TCF20: variants seen among roughly 807,000 people sequenced by gnomAD.
The protein encoded by TCF20 is SPRE-binding protein.
Under a neutral mutation model 148.6 loss-of-function variants are expected in TCF20, and 3 were observed. The ratio of observed to expected loss-of-function variants is 0.02; its 90% CI spans 0.01 to 0.05. The LOEUF (loss-of-function observed/expected upper bound fraction) is 0.05. Among genes scored for constraint, TCF20 ranks in the 10% least tolerant of loss-of-function variants. The probability of loss-of-function intolerance (pLI) is 1.00; values close to 1 mark genes in which losing one functional copy is unlikely to be tolerated. For synonymous variants in TCF20, 1,049 were observed against 909.5 expected (o/e 1.15, Z -2.76); for missense variants, 2,350 against 2,429.3 (o/e 0.97, Z 0.69).
At chr22:42,244,867 T>G (rs1204226366) in intron 1 of TCF20, among the ~76,000 whole-genome samples, 1 of 151,796 alleles carries the variant, frequency 6.6e-6, no homozygotes, top group African/African-American at 2.4e-5. Flanking sequence ...ATCACTTGAG[T>G]TCAGGAGTTC....
intron 1 of TCF20, among the ~76,000 whole-genome samples, chr22:42,244,805 C>T (rs150869955): frequency 3.2e-4 from 49 of 152,156 alleles, no homozygotes; most frequent in Non-Finnish European, 5.4e-4. Flanking sequence ...TCTGGCTGGG[C>T]GCAGTGGCTC....
chr22:42,191,346 G>T (rs1937324190), intron 2 of TCF20, among the ~76,000 whole-genome samples: 1 of 152,140 alleles, frequency 6.6e-6, no homozygotes, highest in African/African-American at 2.4e-5. Flanking sequence ...CTGGAGTACA[G>T]TGACGAGATC....
intron 2 of TCF20, among the ~76,000 whole-genome samples, chr22:42,196,083 C>A (rs1387143880): frequency 6.6e-6 from 1 of 152,200 alleles, no homozygotes; most frequent in Non-Finnish European, 1.5e-5. Flanking sequence ...GGCATAGGCT[C>A]TGAATACTGT....
intron 1 of TCF20, among the ~76,000 whole-genome samples, chr22:42,311,577 G>T (rs935285815): frequency 4.6e-5 from 7 of 152,178 alleles, no homozygotes; most frequent in Non-Finnish European, 4.4e-5. Context: ...CCATGTTGTG[G>T]ACAGGAGCAA....
At chr22:42,225,965 A>T (rs1266013726) in intron 1 of TCF20, among the ~76,000 whole-genome samples, 6 of 152,252 alleles carry the variant, frequency 3.9e-5, no homozygotes, top group African/African-American at 1.4e-4. Flanking sequence ...GCATAATTTC[A>T]AACAGCCAAG....
At chr22:42,234,031 A>G (rs1310780491) in intron 1 of TCF20, among the ~76,000 whole-genome samples, 4 of 152,248 alleles carry the variant, frequency 2.6e-5, no homozygotes, top group Non-Finnish European at 5.9e-5. Context: ...AACAAAATGT[A>G]AAAACATGAA....
At position 42,179,687 on chromosome 22, in the gene TCF20, G is replaced by T; in HGVS notation, c.5671C>A (p.Gln1891Lys). ...IAREMKCSHC[Q>K]EAGATLGCYN... ...CAGCCCAAGGTGGCGCCTGCCTCCTGGCAGTGGGAACATTTCTGAAAGGAA... is the reference window on the plus strand; with the variant it reads ...CAGCCCAAGGTGGCGCCTGCCTCCTTGCAGTGGGAACATTTCTGAAAGGAA... Residue 1891 changes from glutamine to lysine, a missense_variant, in exon 3 of 6, where the codon CAG becomes AAG. Physicochemically the swap from Gln to Lys is moderately conservative, Grantham distance 53 (BLOSUM62 1). Transcript: ENST00000677622. 1 of 1,613,620 alleles carries T rather than the reference G, an allele frequency of 6.2e-7. No individual in the cohort carries two copies.
At chr22:42,208,707 CAG>C (rs1938558592) in intron 2 of TCF20, among the ~76,000 whole-genome samples, 1 of 152,024 alleles carries the variant, frequency 6.6e-6, no homozygotes, top group South Asian at 2.1e-4. Context: ...AAACATAAAA[CAG>C]AGGAGAAAAG....
intron 1 of TCF20, among the ~76,000 whole-genome samples, chr22:42,248,541 C>T (rs1925106062): frequency 6.6e-6 from 1 of 152,134 alleles, no homozygotes; most frequent in Non-Finnish European, 1.5e-5. Flanking sequence ...ATTAAATATA[C>T]ATAGAAATTA....
At chr22:42,336,010 T>C (rs1928061221) in intron 1 of TCF20, among the ~76,000 whole-genome samples, 1 of 152,226 alleles carries the variant, frequency 6.6e-6, no homozygotes, top group African/African-American at 2.4e-5. Flanking sequence ...GGAGCCAACC[T>C]GCCACCATGC....
At chr22:42,231,524 C>A (rs1017677197) in intron 1 of TCF20, among the ~76,000 whole-genome samples, 7 of 152,044 alleles carry the variant, frequency 4.6e-5, no homozygotes, top group Non-Finnish European at 7.4e-5. Context: ...TAGAATAACA[C>A]AATGACAGAA....
rs1053037927 is a variant in TCF20 at position 42,214,236 on chromosome 22, G to A, written c.1070C>T (p.Pro357Leu). 6.2e-7 allele frequency: 1 copy of A among 1,614,202 alleles called. No individual in the cohort carries two copies. Among genetic ancestry groups the A allele is most frequent in the Non-Finnish European group, 8.5e-7 (1 of 1,180,030 alleles). The change falls in exon 2 of 6, where the codon CCC becomes CTC. Residue 357 changes from proline (P) to leucine (L), a missense_variant. Physicochemically the swap from Pro to Leu is moderately conservative, Grantham distance 98. This residue lies in a region of TCF20 where 1,641 missense variants were observed against 1,662.6 expected (regional missense o/e 0.99). Coordinates refer to ENST00000677622, the MANE Select transcript of TCF20 (RefSeq NM_001378418.1). Reference sequence around the variant, plus strand: ...GCTGAAGTTCTGGTGAAACTGCATGGGGGACCTCACAGGAACCTCAGGCTG... The same window carrying A: ...GCTGAAGTTCTGGTGAAACTGCATGAGGGACCTCACAGGAACCTCAGGCTG... ...YNQPEVPVRS[P>L]MQFHQNFSPI...
At chr22:42,163,890 T>A (rs1935614952) in intron 5 of TCF20, among the ~76,000 whole-genome samples, 1 of 152,180 alleles carries the variant, frequency 6.6e-6, no homozygotes, top group African/African-American at 2.4e-5. Context: ...ACTTGTTCCC[T>A]CCCTTCCCTT....
chr22:42,311,247 G>C (rs140588919), intron 1 of TCF20, among the ~76,000 whole-genome samples: 99 of 152,372 alleles, frequency 6.5e-4, no homozygotes, highest in African/African-American at 2.3e-3. Context: ...TGCAGTCAGG[G>C]AGGCAGAAGG....
intron 1 of TCF20, among the ~76,000 whole-genome samples, chr22:42,259,454 A>C (rs769444544): frequency 1.3e-5 from 2 of 152,196 alleles, no homozygotes; most frequent in Non-Finnish European, 2.9e-5. Flanking sequence ...TATGATATAC[A>C]TGCAACCTCC....
At chr22:42,270,264 G>GC (rs1926531845) in intron 1 of TCF20, among the ~76,000 whole-genome samples, 75 bp downstream of exon 1, 1 of 151,250 alleles carries the variant, frequency 6.6e-6, no homozygotes, top group South Asian at 2.1e-4. Flanking sequence ...AGCCCCCGAG[G>GC]CCGGACACCC....
chr22:42,164,882 G>C (rs1935686051), intron 5 of TCF20, among the ~76,000 whole-genome samples: 1 of 152,212 alleles, frequency 6.6e-6, no homozygotes. Flanking sequence ...GAGGAAGGAA[G>C]CCTGGTCCCT....
At chr22:42,165,743 G>A (rs1935744086) in intron 5 of TCF20, among the ~76,000 whole-genome samples, 1 of 152,236 alleles carries the variant, frequency 6.6e-6, no homozygotes, top group Non-Finnish European at 1.5e-5. Context: ...AGATCAACGG[G>A]CTGAGAGCCA....
At chr22:42,188,602 G>C (rs749811694) in intron 2 of TCF20, among the ~76,000 whole-genome samples, 17 of 152,198 alleles carry the variant, frequency 1.1e-4, no homozygotes, top group Non-Finnish European at 2.1e-4. Context: ...ATAAGAACTT[G>C]ATCAGGCTGG....
Sources: allele counts gnomAD v4.1 joint callset (sites outside exome capture counted in the v4.1 genomes callset), GRCh38; gene constraint gnomAD v4.1.1; regional missense constraint gnomAD v4.1.1; transcripts MANE v1.5; gene names NCBI Gene and HGNC (gene_info 2026-07-23, HGNC 2026-07-21).